The following COBLL1 variants were observed in gnomAD, a reference collection of about 807,000 sequenced individuals.
COBLL1 encodes cordon-bleu protein-like 1.
A neutral mutation model predicts 94.8 loss-of-function variants in COBLL1; 50 were observed. The ratio of observed to expected loss-of-function variants is 0.53; its 90% CI spans 0.42 to 0.67. The LOEUF is 0.67. Among genes scored for constraint, COBLL1 ranks in the 30% least tolerant of loss-of-function variants. COBLL1 has a pLI of 0.00. For missense variants in COBLL1, 1,362 were observed against 1,348.7 expected, an observed-to-expected ratio of 1.01 and a Z score of -0.15; for synonymous variants, 448 against 473.8, an observed-to-expected ratio of 0.95 and a Z score of 0.71.
intron 7 of COBLL1, among the ~76,000 whole-genome samples, chr2:164,715,566 G>A (rs1685121042): frequency 6.6e-6 from 1 of 151,830 alleles, no homozygotes; most frequent in African/African-American, 2.4e-5. Flanking sequence ...ATATGTACCT[G>A]TACATTTCAT....
chr2:164,662,313 A>G (rs1050911075), intron 2 of COBLL1, among the ~76,000 whole-genome samples: 2 of 152,174 alleles, frequency 1.3e-5, no homozygotes, highest in Admixed American at 6.6e-5. Flanking sequence ...TTAGTAAAGC[A>G]TAAGATTACA....
chr2:164,756,171 G>T (rs1687397509), intron 2 of COBLL1, among the ~76,000 whole-genome samples: 1 of 152,034 alleles, frequency 6.6e-6, no homozygotes, highest in Non-Finnish European at 1.5e-5. Flanking sequence ...TTTCACTAGA[G>T]GTCTATTCCA....
chr2:164,810,065 A>C (rs1345850420), intron 2 of COBLL1, among the ~76,000 whole-genome samples: 1 of 151,750 alleles, frequency 6.6e-6, no homozygotes, highest in East Asian at 1.9e-4. Flanking sequence ...TGAGGGAAAA[A>C]GGATTTAATA....
At chr2:164,808,710 A>G (rs1029695409) in intron 2 of COBLL1, among the ~76,000 whole-genome samples, 6 of 152,166 alleles carry the variant, frequency 3.9e-5, no homozygotes, top group African/African-American at 1.4e-4. Context: ...TAGATTTTTT[A>G]AGCATTTAAG....
In COBLL1 at chr2:164,665,339, AAAG is replaced by A. The variant is rs200563794; in HGVS notation, n.181+505_181+507del. Reference sequence around the variant, plus strand: ...GAGCAAGATTCTGTGTCAAAAAAAAAAAGAAAGAAAGAAAGAAAGAAAGAAAGA... The same window carrying A: ...GAGCAAGATTCTGTGTCAAAAAAAAAAAAGAAAGAAAGAAAGAAAGAAAGA... On this transcript the variant is annotated intron_variant and non_coding_transcript_variant, in intron 2 of 2. Coordinates refer to the COBLL1 transcript ENST00000495084. Among the ~76,000 whole-genome samples, 494 of 143,882 alleles carry A rather than the reference AAAG, an allele frequency of 3.4e-3. 19 individuals are homozygous for A. Among genetic ancestry groups the A allele is most frequent in the East Asian group, 0.031 (148 of 4,836 alleles). 94.4% of individuals were successfully genotyped at this position (143,882 alleles called of 152,430 possible).
At chr2:164,730,559 G>T (rs1685954647) in intron 3 of COBLL1, among the ~76,000 whole-genome samples, 1 of 151,936 alleles carries the variant, frequency 6.6e-6, no homozygotes, top group Admixed American at 6.6e-5. Flanking sequence ...CAAAAAAATT[G>T]AACTACAAGA....
At chr2:164,820,743 CTT>C in intron 2 of COBLL1, among the ~76,000 whole-genome samples, 2 of 152,294 alleles carry the variant, frequency 1.3e-5, no homozygotes, top group Non-Finnish European at 2.9e-5. Context: ...TCCTCCATGA[CTT>C]TGAGGTTCGC....
At chr2:164,762,759 C>T (rs1323844524) in intron 2 of COBLL1, among the ~76,000 whole-genome samples, 1 of 143,166 alleles carries the variant, frequency 7.0e-6, no homozygotes, top group Admixed American at 7.2e-5. Context: ...TGCAGTGGTG[C>T]GATCTCGACT....
At chr2:164,667,078 A>G (rs1407918606) in intron 1 of COBLL1, among the ~76,000 whole-genome samples, 1 of 152,072 alleles carries the variant, frequency 6.6e-6, no homozygotes, top group Non-Finnish European at 1.5e-5. Flanking sequence ...TTCTTAAATA[A>G]TAAGATATTT....
At chr2:164,752,591 G>T (rs1687181392) in intron 2 of COBLL1, among the ~76,000 whole-genome samples, 1 of 152,036 alleles carries the variant, frequency 6.6e-6, no homozygotes, top group East Asian at 1.9e-4. Context: ...TAAGAAATTT[G>T]CCCAAAAGCA....
At chr2:164,829,210 C>T (rs938525306) in intron 2 of COBLL1, among the ~76,000 whole-genome samples, 5 of 152,216 alleles carry the variant, frequency 3.3e-5, no homozygotes, top group African/African-American at 1.2e-4. Context: ...TAGTCTTTGG[C>T]AGAAAACACT....
intron 2 of COBLL1, among the ~76,000 whole-genome samples, chr2:164,831,121 G>A (rs1464700675): frequency 2.6e-5 from 4 of 152,004 alleles, no homozygotes; most frequent in East Asian, 1.9e-4. Flanking sequence ...TCAGGAGTTC[G>A]AGATTAGCCT....
At chr2:164,812,077 C>A (rs1684489180) in intron 2 of COBLL1, among the ~76,000 whole-genome samples, 1 of 151,770 alleles carries the variant, frequency 6.6e-6, no homozygotes, top group African/African-American at 2.4e-5. Context: ...AAAAAAAATA[C>A]TTTTTTTCTG....
At chr2:164,773,396 C>T (rs1350792829) in intron 2 of COBLL1, among the ~76,000 whole-genome samples, 1 of 152,078 alleles carries the variant, frequency 6.6e-6, no homozygotes, top group African/African-American at 2.4e-5. Context: ...ATTATATACA[C>T]ACAGTTTAAT....
intron 2 of COBLL1, among the ~76,000 whole-genome samples, chr2:164,664,191 T>G (rs564265452): frequency 6.6e-6 from 1 of 152,328 alleles, no homozygotes; most frequent in South Asian, 2.1e-4. Flanking sequence ...TGCACACTAT[T>G]CTCTGATGAC....
At chr2:164,819,521 T>TA (rs71962472) in intron 2 of COBLL1, among the ~76,000 whole-genome samples, 1 of 151,778 alleles carries the variant, frequency 6.6e-6, no homozygotes, top group Non-Finnish European at 1.5e-5. Flanking sequence ...TTTGACAACG[T>TA]AAAAAAAAAT....
In COBLL1 at chr2:164,722,211, G is replaced by A. The variant is rs776965929; in HGVS notation, c.860C>T (p.Ser287Leu). 1.3e-5 allele frequency: 21 copies of A among 1,613,954 alleles called. No homozygotes were observed. The highest frequency in any genetic ancestry group is 2.2e-5 in the East Asian group (1 of 44,870). The change falls in exon 7 of 14, where the codon TCG becomes TTG. Residue 287 changes from serine (S) to leucine (L), a missense_variant. By Grantham distance (145) the Ser-to-Leu change is moderately radical. Transcript: ENST00000652658. Reference protein sequence around the residue: ...SKPYISNTLPSDAPKKRRAPL... With the variant: ...SKPYISNTLPLDAPKKRRAPL... ...AGCCCGCCTCTTCTTGGGTGCATCC[G>A]ACGGCAGGGTGTTGGAAATATATGG...
At chr2:164,831,367 T>G (rs1357401051) in intron 2 of COBLL1, among the ~76,000 whole-genome samples, 1 of 151,270 alleles carries the variant, frequency 6.6e-6, no homozygotes, top group East Asian at 1.9e-4. Context: ...ATTTAAAATT[T>G]TATTAAATTT....
chr2:164,805,287 G>GTCTCTGTC (rs1684038568), intron 2 of COBLL1, among the ~76,000 whole-genome samples: 1 of 34,232 alleles, frequency 2.9e-5, no homozygotes, highest in African/African-American at 1.3e-4. Flanking sequence ...CTCTCTGTCT[G>GTCTCTGTC]TCTCTCTCTC....
Sources: gnomAD v4.1 joint callset for allele counts (sites outside exome capture counted in the v4.1 genomes callset) on GRCh38, gnomAD v4.1.1 for gene constraint, MANE v1.5 for transcripts, NCBI Gene and HGNC (gene_info 2026-07-23, HGNC 2026-07-21) for gene names.